The following REG1B variants were observed in gnomAD, a reference collection of about 807,000 sequenced individuals.
REG1B encodes lithostathine-1-beta.
In REG1B, 21 loss-of-function variants were observed where a neutral mutation model predicts 20.4. That is an observed-to-expected ratio of 1.03 (90% CI 0.73 to 1.48). The LOEUF (loss-of-function observed/expected upper bound fraction) is 1.48. Among genes scored for constraint, REG1B ranks in the 40% most tolerant of loss-of-function variants. The pLI is 0.00. For missense variants in REG1B, 247 were observed against 197.2 expected, an observed-to-expected ratio of 1.25 and a Z score of -1.51; for synonymous variants, 82 against 73.4, an observed-to-expected ratio of 1.12 and a Z score of -0.60.
chr2:79,086,434 G>A lies in REG1B; in HGVS notation c.254C>T (p.Ala85Val). The change falls in exon 4 of 6, where the codon GCC becomes GTC. Residue 85 changes from alanine (A) to valine (V), a missense_variant. Coordinates refer to ENST00000305089, the MANE Select transcript of REG1B (RefSeq NM_006507.4). ...VLTQAEGAFV[A>V]SLIKESSTDD... ...AGTGCTACTCTCCTTAATCAGTGAGGCCACGAAGGCACCCTCCGCCTGGGT... is the reference window on the plus strand; with the variant it reads ...AGTGCTACTCTCCTTAATCAGTGAGACCACGAAGGCACCCTCCGCCTGGGT... The A allele has an allele frequency of 6.2e-7, 1 of 1,614,074 alleles. No homozygotes were observed. The highest frequency in any genetic ancestry group is 8.5e-7 in the Non-Finnish European group (1 of 1,179,984).
In REG1B at chr2:79,087,646, A is replaced by T; in HGVS notation, c.-34T>A. On this transcript the variant is annotated 5_prime_UTR_variant, in exon 2 of 6. Coordinates refer to ENST00000305089, the MANE Select transcript of REG1B (RefSeq NM_006507.4). ...GCAGTGAATCTCTTGCTTAAGGAGCAAATCAGCAATCTCTGTAGGAGAACA... is the reference window on the plus strand; with the variant it reads ...GCAGTGAATCTCTTGCTTAAGGAGCTAATCAGCAATCTCTGTAGGAGAACA... 6.2e-7 allele frequency: 1 copy of T among 1,609,552 alleles called. No individual in the cohort carries two copies. The highest frequency in any genetic ancestry group is 8.5e-7 in the Non-Finnish European group (1 of 1,176,470).
In REG1B at chr2:79,086,450, C is replaced by A. The variant is rs1672400791; in HGVS notation, c.238G>T (p.Glu80Ter). The A allele has an allele frequency of 1.2e-6, 2 of 1,614,084 alleles. No homozygotes were observed. The highest frequency in any genetic ancestry group is 2.7e-5 in the African/African-American group (2 of 75,026). The change falls in exon 4 of 6, where the codon GAG becomes TAG. Residue 80 changes from glutamate to a stop codon, truncating the protein, a stop_gained. Coordinates refer to ENST00000305089, the MANE Select transcript of REG1B (RefSeq NM_006507.4). LOFTEE classifies it high-confidence loss of function. ...ATCAGTGAGGCCACGAAGGCACCCT[C>A]CGCCTGGGTGAGCACAGACACCAGG... Reference protein sequence around the residue: ...GNLVSVLTQAEGAFVASLIKE... With the variant: ...GNLVSVLTQA
At chr2:79,085,763 C>T (rs1672389868) in intron 4 of REG1B, 160 bp from the exon 5 acceptor site, 3 of 486,604 alleles carry the variant, frequency 6.2e-6, no homozygotes, top group South Asian at 5.6e-5. Flanking sequence ...TTGCTCTAAG[C>T]TTCTCCTTCT....
At position 79,087,537 on chromosome 2, in the gene REG1B, G is replaced by A. The variant is rs1672417538; in HGVS notation, c.64+12C>T. Reference sequence around the variant, plus strand: ...GAGTTGGGGTTGTGGGAAGTGTGGGGGAAAATCTCACCTTGGCTCAGAGAC... The same window carrying A: ...GAGTTGGGGTTGTGGGAAGTGTGGGAGAAAATCTCACCTTGGCTCAGAGAC... On this transcript the variant is annotated intron_variant, in intron 2 of 5. Coordinates refer to ENST00000305089, the MANE Select transcript of REG1B (RefSeq NM_006507.4). 6.2e-7 allele frequency: 1 copy of A among 1,613,126 alleles called. No homozygotes were observed.
At position 79,086,462 on chromosome 2, in the gene REG1B, G is replaced by A. The variant is rs1249882383; in HGVS notation, c.226C>T (p.Leu76Phe). Residue 76 changes from leucine to phenylalanine, a missense_variant, in exon 4 of 6, where the codon CTC becomes TTC. Transcript: ENST00000305089. ...NMNSGNLVSV[L>F]TQAEGAFVAS... is the part of the protein sequence containing the mutation. ...ACGAAGGCACCCTCCGCCTGGGTGA[G>A]CACAGACACCAGGTTGCCTGAATTC... The A allele has an allele frequency of 6.2e-7, 1 of 1,614,050 alleles. No homozygotes were observed. The highest frequency in any genetic ancestry group is 8.5e-7 in the Non-Finnish European group (1 of 1,179,992).
At position 79,085,473 on chromosome 2, in the gene REG1B, T is replaced by C; in HGVS notation, c.433+19A>G. ...TGGGAAGGAAATGGCAACAGGTGGA[T>C]AGATTGTCTGCCTCTCACCTGAGCA... is the stretch of plus-strand genomic sequence containing the variant. On this transcript the variant is annotated intron_variant, in intron 5 of 5. Transcript: ENST00000305089. The C allele has an allele frequency of 6.3e-7, 1 of 1,584,624 alleles. No individual in the cohort carries two copies. Among genetic ancestry groups the C allele is most frequent in the Non-Finnish European group, 8.7e-7 (1 of 1,153,266 alleles).
Position 79,087,534 on chromosome 2 carries a change from G to A in REG1B, c.64+15C>T. On this transcript the variant is annotated intron_variant, in intron 2 of 5. Transcript: ENST00000305089. The stretch of plus-strand genomic sequence containing the variant: ...TCAGAGTTGGGGTTGTGGGAAGTGT[G>A]GGGGAAAATCTCACCTTGGCTCAGA... 2 of 1,613,134 alleles carry A rather than the reference G, an allele frequency of 1.2e-6. No homozygotes were observed. The highest frequency in any genetic ancestry group is 2.2e-5 in the South Asian group (2 of 91,000).
chr2:79,085,336 C>A, intron 5 of REG1B, 53 bp from the exon 6 acceptor site: 1 of 1,446,018 alleles, frequency 6.9e-7, no homozygotes, highest in Non-Finnish European at 9.7e-7. Context: ...AGTGTAGCCC[C>A]TCCTCAACCT....
In REG1B at chr2:79,086,519, A is replaced by C. The variant is rs778244710; in HGVS notation, c.184-15T>G. On this transcript the variant is annotated splice_polypyrimidine_tract_variant and intron_variant, in intron 3 of 5. Transcript: ENST00000305089. ...TGGCAATAGAGCTGTTGGAGAAGAA[A>C]ATGGAGCACTCAGTGGAGAAGGAAG... is the stretch of plus-strand genomic sequence containing the variant. The C allele has an allele frequency of 6.2e-7, 1 of 1,612,874 alleles. No homozygotes were observed. The highest frequency in any genetic ancestry group is 1.7e-5 in the Admixed American group (1 of 59,996).
intron 3 of REG1B, 80 bp from the exon 4 acceptor site, chr2:79,086,584 GA>G: frequency 6.4e-7 from 1 of 1,553,898 alleles, no homozygotes; most frequent in Non-Finnish European, 8.8e-7. Context: ...GGATGTAACA[GA>G]AAAAGGACAG....
At chr2:79,086,772 C>T (rs775991773) in intron 3 of REG1B, 40 bp downstream of exon 3, 3 of 1,578,674 alleles carry the variant, frequency 1.9e-6, no homozygotes, top group Non-Finnish European at 2.6e-6. Flanking sequence ...CTGCCTCTAC[C>T]TTCATAAGCC....
At chr2:79,087,306 A>G (rs987428291) in intron 2 of REG1B, 34 of 562,994 alleles carry the variant, frequency 6.0e-5, no homozygotes, top group African/African-American at 5.6e-4. Flanking sequence ...GCCATCGCAT[A>G]TAGATTCAAT....
At chr2:79,087,091 C>G (rs1156927647) in intron 2 of REG1B, 161 bp from the exon 3 acceptor site, 4 of 631,302 alleles carry the variant, frequency 6.3e-6, no homozygotes, top group Non-Finnish European at 1.1e-5. Flanking sequence ...TATCTCTTTT[C>G]TCTCTAGTTT....
In REG1B at chr2:79,086,418, C is replaced by G. The variant is rs146252405; in HGVS notation, c.270G>C (p.Glu90Asp). 167 of 1,614,090 alleles carry G rather than the reference C, an allele frequency of 1.0e-4. No homozygotes were observed. In the African/African-American group the frequency reaches 1.9e-3, roughly 18 times the overall value. Reference protein sequence around the residue: ...EGAFVASLIKESSTDDSNVWI... With the variant: ...EGAFVASLIKDSSTDDSNVWI... ...AGACATTGCTGTCATCAGTGCTACT[C>G]TCCTTAATCAGTGAGGCCACGAAGG... The change falls in exon 4 of 6, where the codon GAG becomes GAC. Residue 90 changes from glutamate to aspartate, a missense_variant. Coordinates refer to ENST00000305089, the MANE Select transcript of REG1B (RefSeq NM_006507.4).
chr2:79,085,064 A>C lies in REG1B; in HGVS notation c.*152T>G, dbSNP rs879084269. 1.6e-6 allele frequency: 1 copy of C among 644,190 alleles called. No homozygotes were observed. Among genetic ancestry groups the C allele is most frequent in the African/African-American group, 1.8e-5 (1 of 55,360 alleles). The allele number at this position is 644,190 out of a possible 1,614,324, so 39.9% of individuals were successfully genotyped here. On this transcript the variant is annotated 3_prime_UTR_variant, in exon 6 of 6. Coordinates refer to ENST00000305089, the MANE Select transcript of REG1B (RefSeq NM_006507.4). ...GTTTGTTTTTATTTTTCAGGGCTCT[A>C]GAGACTGAGACAGGTGAAGGTACTG...
Position 79,085,041 on chromosome 2 carries a change from T to G in REG1B, c.*175A>C. On this transcript the variant is annotated 3_prime_UTR_variant, in exon 6 of 6. Transcript: ENST00000305089. ...GACAGAACACTGGATAAAAATAAGTTTGTTTTTATTTTTCAGGGCTCTAGA... is the reference window on the plus strand; with the variant it reads ...GACAGAACACTGGATAAAAATAAGTGTGTTTTTATTTTTCAGGGCTCTAGA... 1.7e-6 allele frequency: 1 copy of G among 599,230 alleles called. No individual in the cohort carries two copies. Among genetic ancestry groups the G allele is most frequent in the Admixed American group, 3.0e-5 (1 of 33,114 alleles). The allele number at this position is 599,230 out of a possible 1,614,324, so 37.1% of individuals were successfully genotyped here. A position where few individuals can be genotyped will look rare whatever the true frequency, so the allele number is the denominator to read the frequency against.
intron 2 of REG1B, 198 bp downstream of exon 2, chr2:79,087,351 G>T: frequency 1.6e-6 from 1 of 610,122 alleles, no homozygotes; most frequent in Non-Finnish European, 2.9e-6. Flanking sequence ...ACCTATAAGT[G>T]GTCCTATTAA....
rs1672420335 is a variant in REG1B at position 79,087,706 on chromosome 2, C to G, written c.-46-48G>C. The G allele has an allele frequency of 6.6e-6, 8 of 1,218,538 alleles. No homozygotes were observed. In the African/African-American group the frequency reaches 1.1e-4, roughly 16 times the overall value. 75.5% of individuals were successfully genotyped at this position (1,218,538 alleles called of 1,614,324 possible). A position where few individuals can be genotyped will look rare whatever the true frequency, so the allele number is the denominator to read the frequency against. On this transcript the variant is annotated intron_variant, in intron 1 of 5. Coordinates refer to ENST00000305089, the MANE Select transcript of REG1B (RefSeq NM_006507.4). ...GGGTTTGAAGAAGAGAGCAGAGCAC[C>G]TGTTATCTTTCTAACATCCTCTCCT...
At position 79,085,107 on chromosome 2, in the gene REG1B, C is replaced by T. The variant is rs1021357280; in HGVS notation, c.*109G>A. On this transcript the variant is annotated 3_prime_UTR_variant, in exon 6 of 6. Transcript: ENST00000305089. ...AGGTACTGAAGATCAGCGATGCAAA[C>T]TCATTAGGGAGGAGATGGTCTGAAC... 47 of 763,534 alleles carry T rather than the reference C, an allele frequency of 6.2e-5. No individual in the cohort carries two copies. Among genetic ancestry groups the T allele is most frequent in the Non-Finnish European group, 1.0e-4 (45 of 433,548 alleles). 47.3% of individuals were successfully genotyped at this position (763,534 alleles called of 1,614,324 possible).
Sources: gnomAD v4.1 joint callset for allele counts on GRCh38, gnomAD v4.1.1 for gene constraint, MANE v1.5 for transcripts, NCBI Gene and HGNC (gene_info 2026-07-23, HGNC 2026-07-21) for gene names.